CNTNAP3: variants seen among roughly 807,000 people sequenced by gnomAD.
CNTNAP3 encodes the protein contactin-associated protein-like 3.
Under a neutral mutation model 92.1 loss-of-function variants are expected in CNTNAP3, and 36 were observed. That is an observed-to-expected ratio of 0.39 (90% CI 0.30 to 0.52). The LOEUF (loss-of-function observed/expected upper bound fraction) is 0.52. Ranked by LOEUF, CNTNAP3 falls within the 20% of genes least tolerant of loss-of-function variation. The pLI, the probability that CNTNAP3 is intolerant of heterozygous loss-of-function variation, is 0.76. For missense variants in CNTNAP3, 534 were observed against 1,069.6 expected, an observed-to-expected ratio of 0.50 and a Z score of 6.98; for synonymous variants, 232 against 422.3, an observed-to-expected ratio of 0.55 and a Z score of 5.53.
At position 39,067,236 on chromosome 9, in the gene CNTNAP3, A is replaced by G. The variant is rs2079903835; in HGVS notation, c.*6654T>C. Among the ~76,000 whole-genome samples, 1 of 152,408 alleles carries G rather than the reference A, an allele frequency of 6.6e-6. No homozygotes were observed. Among genetic ancestry groups the G allele is most frequent in the South Asian group, 2.1e-4 (1 of 4,832 alleles). The stretch of plus-strand genomic sequence containing the variant: ...TTGTCACATCCTAATCTTTGAAAAT[A>G]CGGAATATAGTCATAATATTTTTCA... On this transcript the variant is annotated 3_prime_UTR_variant, in exon 24 of 24. Coordinates refer to ENST00000297668, the MANE Select transcript of CNTNAP3 (RefSeq NM_033655.5).
intron 14 of CNTNAP3, chr9:39,117,778 TG>T (rs1351448279): frequency 3.6e-6 from 1 of 281,072 alleles, no homozygotes; most frequent in Non-Finnish European, 6.8e-6. Context: ...CTTTTTGAAT[TG>T]CCACATGAAT....
chr9:39,092,265 A>G (rs887283128), intron 18 of CNTNAP3, among the ~76,000 whole-genome samples: 2 of 144,378 alleles, frequency 1.4e-5, no homozygotes, highest in African/African-American at 5.1e-5. Flanking sequence ...TGTTTTATTT[A>G]TTATTTCCTG....
rs1337158536 is a variant in CNTNAP3 at position 39,067,648 on chromosome 9, G to C, written c.*6242C>G. On this transcript the variant is annotated 3_prime_UTR_variant, in exon 24 of 24. Coordinates refer to ENST00000297668, the MANE Select transcript of CNTNAP3 (RefSeq NM_033655.5). Reference sequence around the variant, plus strand: ...CCCGACCTCGTGATCTGCCTGCCTCGACCTCCCAAAGTGCTGGGATTACAG... The same window carrying C: ...CCCGACCTCGTGATCTGCCTGCCTCCACCTCCCAAAGTGCTGGGATTACAG... Among the ~76,000 whole-genome samples, 1 of 152,310 alleles carries C rather than the reference G, an allele frequency of 6.6e-6. No individual in the cohort carries two copies.
chr9:39,159,140 G>A (rs1822020385), intron 9 of CNTNAP3: 1 of 149,156 alleles, frequency 6.7e-6, no homozygotes. Context: ...ACACTTTCAG[G>A]TCAAAGGGGA....
intron 18 of CNTNAP3, among the ~76,000 whole-genome samples, chr9:39,090,061 T>C (rs1358023784): frequency 6.6e-6 from 1 of 152,048 alleles, no homozygotes; most frequent in Non-Finnish European, 1.5e-5. Context: ...TGCCTCAGCC[T>C]CCCAAGTAGC....
intron 21 of CNTNAP3, among the ~76,000 whole-genome samples, chr9:39,084,567 TAGAAC>T (rs754924623): frequency 4.6e-5 from 7 of 152,312 alleles, no homozygotes; most frequent in East Asian, 1.9e-4. Flanking sequence ...ATTGGTAACT[TAGAAC>T]AGAGTGTTTT....
At chr9:39,126,276 G>T (rs1008423816) in intron 13 of CNTNAP3, among the ~76,000 whole-genome samples, 8 of 152,122 alleles carry the variant, frequency 5.3e-5, no homozygotes, top group Non-Finnish European at 1.0e-4. Flanking sequence ...AGTCTCGAGA[G>T]AAACAAAATT....
At chr9:39,077,556 CA>C (rs1825812007) in intron 23 of CNTNAP3, among the ~76,000 whole-genome samples, 4 of 115,520 alleles carry the variant, frequency 3.5e-5, no homozygotes, top group African/African-American at 9.6e-5. Context: ...GACTCTGTCT[CA>C]AAAAACAAAC....
rs1283170342 is a variant in CNTNAP3, at chr9:39,069,533, T to C, written c.*4357A>G. On this transcript the variant is annotated 3_prime_UTR_variant, in exon 24 of 24. Transcript: ENST00000297668. The stretch of plus-strand genomic sequence containing the variant: ...GAACCTCACATTTTAAAATATATAA[T>C]GGCACAATAAAATGCAAAAATATAA... Among the ~76,000 whole-genome samples the C allele has an allele frequency of 5.9e-5, 9 of 152,272 alleles. No homozygotes were observed. Among genetic ancestry groups the C allele is most frequent in the Non-Finnish European group, 1.2e-4 (8 of 68,054 alleles).
In CNTNAP3 at chr9:39,068,297, T is replaced by C. The variant is rs1350555052; in HGVS notation, c.*5593A>G. Among the ~76,000 whole-genome samples the C allele has an allele frequency of 3.3e-5, 5 of 152,052 alleles. No individual in the cohort carries two copies. The highest frequency in any genetic ancestry group is 3.5e-3 in the Middle Eastern group (1 of 286). ...TGGGCATGTTGGCTTGTGCCTGTAG[T>C]CCCAGCTACTCGGGAGGCTGAGGCA... On this transcript the variant is annotated 3_prime_UTR_variant, in exon 24 of 24. Coordinates refer to ENST00000297668, the MANE Select transcript of CNTNAP3 (RefSeq NM_033655.5).
At chr9:39,140,164 T>C (rs1350662065) in intron 12 of CNTNAP3, 1 of 166,164 alleles carries the variant, frequency 6.0e-6, no homozygotes, top group Non-Finnish European at 1.3e-5. Flanking sequence ...AACATTAACA[T>C]ATCTATGTTA....
At chr9:39,086,995 T>A (rs1207597673) in intron 19 of CNTNAP3, 146 bp from the exon 20 acceptor site, 1 of 1,017,762 alleles carries the variant, frequency 9.8e-7, no homozygotes, top group East Asian at 2.6e-5. Flanking sequence ...ATAGTTATCT[T>A]TCCCGGAACA....
In CNTNAP3 at chr9:39,155,871, A is replaced by C. The variant is rs193124378; in HGVS notation, c.1478-5894T>G. Among the ~76,000 whole-genome samples, 2 of 145,466 alleles carry C rather than the reference A, an allele frequency of 1.4e-5. 1 individual carries two copies. The highest frequency in any genetic ancestry group is 5.5e-5 in the African/African-American group (2 of 36,640). ...CAGTATAAAACAAATGGAAAGGAAA[A>C]AGAAACATAATGAAACGAACTCATT... On this transcript the variant is annotated intron_variant, in intron 9 of 23. Transcript: ENST00000297668.
intron 12 of CNTNAP3, among the ~76,000 whole-genome samples, chr9:39,135,959 C>G (rs1340813427): frequency 6.6e-6 from 1 of 151,662 alleles, no homozygotes; most frequent in Non-Finnish European, 1.5e-5. Flanking sequence ...AAAACCCTAT[C>G]TCTACTAAAA....
At position 39,091,819 on chromosome 9, in the gene CNTNAP3, T is replaced by G. The variant is rs188335596; in HGVS notation, c.2996-3172A>C. On this transcript the variant is annotated intron_variant, in intron 18 of 23. Coordinates refer to ENST00000297668, the MANE Select transcript of CNTNAP3 (RefSeq NM_033655.5). ...ATATATTTTTAAATAGTTGATATAT[T>G]CTGATAGTTGATAGCATCAATTGTT... 3.1e-3 allele frequency among the ~76,000 whole-genome samples: 465 copies of G among 152,012 alleles called. 3 individuals carry two copies. The highest frequency in any genetic ancestry group is 0.011 in the African/African-American group (450 of 41,556).
chr9:39,136,279 C>T (rs1214519326), intron 12 of CNTNAP3, among the ~76,000 whole-genome samples: 2 of 151,994 alleles, frequency 1.3e-5, no homozygotes, highest in Non-Finnish European at 2.9e-5. Flanking sequence ...TTAAAATTTA[C>T]TTAGTATATC....
intron 14 of CNTNAP3, among the ~76,000 whole-genome samples, chr9:39,110,572 T>G (rs1228984261): frequency 6.6e-6 from 1 of 152,116 alleles, no homozygotes; most frequent in African/African-American, 2.4e-5. Flanking sequence ...GGAAAATAAA[T>G]GCACACGTCT....
chr9:39,091,623 T>A (rs1229827569), intron 18 of CNTNAP3, among the ~76,000 whole-genome samples: 1 of 151,888 alleles, frequency 6.6e-6, no homozygotes, highest in African/African-American at 2.4e-5. Flanking sequence ...GGTTTTCACA[T>A]CTATCTACTT....
chr9:39,098,618 C>A (rs1293009291), intron 18 of CNTNAP3, among the ~76,000 whole-genome samples: 1 of 152,114 alleles, frequency 6.6e-6, no homozygotes, highest in Non-Finnish European at 1.5e-5. Flanking sequence ...AGTGGTTACT[C>A]CTGATGTTGG....
Sources: allele counts gnomAD v4.1 joint callset (sites outside exome capture counted in the v4.1 genomes callset), GRCh38; gene constraint gnomAD v4.1.1; transcripts MANE v1.5; gene names NCBI Gene and HGNC (gene_info 2026-07-23, HGNC 2026-07-21).